Variants in MTURN observed in about 807,000 individuals in gnomAD.
MTURN encodes the protein maturin.
In MTURN, 7 loss-of-function variants were observed where a neutral mutation model predicts 14.9. The ratio of observed to expected loss-of-function variants is 0.47; its 90% CI spans 0.27 to 0.88. The LOEUF is 0.88. Ranked by LOEUF, MTURN falls within the 40% of genes least tolerant of loss-of-function variation. MTURN has a pLI of 0.14. For missense variants in MTURN, 151 were observed against 174.1 expected (o/e 0.87, Z 0.75); for synonymous variants, 69 against 72.5 (o/e 0.95, Z 0.25).
At chr7:30,141,005 C>G (rs1431118502) in intron 1 of MTURN, 1 of 152,326 alleles carries the variant, frequency 6.6e-6, no homozygotes, top group Admixed American at 6.5e-5. Context: ...TGGCTCTGCC[C>G]TTGTTCCCTG....
At position 30,158,570 on chromosome 7, in the gene MTURN, T is replaced by G. The variant is rs1407586488; in HGVS notation, c.*1022T>G. 6.6e-6 allele frequency: 1 copy of G among 152,190 alleles called. No homozygotes were observed. Among genetic ancestry groups the G allele is most frequent in the African/African-American group, 2.4e-5 (1 of 41,430 alleles). The allele number at this position is 152,190 out of a possible 1,614,324, so 9.4% of individuals were successfully genotyped here. A position where few individuals can be genotyped will look rare whatever the true frequency, so the allele number is the denominator to read the frequency against. On this transcript the variant is annotated 3_prime_UTR_variant, in exon 3 of 3. Transcript: ENST00000324453. The stretch of plus-strand genomic sequence containing the variant: ...TTTATTTAAAAATTTAATCACATGT[T>G]TCGAGGGACTTAATTGTGGTGTATT...
Position 30,135,276 on chromosome 7 carries a change from A to T in MTURN, c.140A>T (p.Asp47Val), listed in dbSNP as rs1796927516. Residue 47 changes from aspartate (D) to valine (V), a missense_variant, in exon 1 of 3, where the codon GAC (aspartate) becomes GTC (valine). Coordinates refer to ENST00000324453, the MANE Select transcript of MTURN (RefSeq NM_152793.3). ...PGVSFYVLCP[D>V]NGCGDNFHVW... ...GTCTCCTTCTATGTGCTGTGTCCGG[A>T]CAACGGCTGCGGCGACAATTTTGTG... 6.5e-7 allele frequency: 1 copy of T among 1,527,664 alleles called. No homozygotes were observed. The highest frequency in any genetic ancestry group is 8.8e-7 in the Non-Finnish European group (1 of 1,137,066). The allele number at this position is 1,527,664 out of a possible 1,614,324, so 94.6% of individuals were successfully genotyped here.
chr7:30,139,808 C>A (rs559328421), intron 1 of MTURN, among the ~76,000 whole-genome samples: 53 of 152,306 alleles, frequency 3.5e-4, no homozygotes, highest in African/African-American at 1.2e-3. Context: ...CCATCCATGC[C>A]GACCCTTTCC....
At chr7:30,135,582 C>A (rs1161180845) in intron 1 of MTURN, among the ~76,000 whole-genome samples, 1 of 152,104 alleles carries the variant, frequency 6.6e-6, no homozygotes, top group Non-Finnish European at 1.5e-5. Flanking sequence ...CTCCTCTCCC[C>A]GCTGCTGCGG....
At chr7:30,140,394 GGTGT>G (rs749509362) in intron 1 of MTURN, among the ~76,000 whole-genome samples, 2 of 36,258 alleles carry the variant, frequency 5.5e-5, no homozygotes, top group Non-Finnish European at 8.1e-5. Context: ...TTTGTAGAGG[GGTGT>G]GTGTGTGTGT....
At chr7:30,138,700 C>G (rs571655200) in intron 1 of MTURN, among the ~76,000 whole-genome samples, 232 of 152,118 alleles carry the variant, frequency 1.5e-3, no homozygotes, top group African/African-American at 5.3e-3. Context: ...AAAATATAAG[C>G]CAGATCATGT....
rs1187014102 is a variant in MTURN at position 30,160,262 on chromosome 7, A to G, written c.*2714A>G. The G allele has an allele frequency of 1.3e-5, 2 of 152,212 alleles. No individual in the cohort carries two copies. The highest frequency in any genetic ancestry group is 4.8e-5 in the African/African-American group (2 of 41,428). The allele number at this position is 152,212 out of a possible 1,614,324, so 9.4% of individuals were successfully genotyped here. A position where few individuals can be genotyped will look rare whatever the true frequency, so the allele number is the denominator to read the frequency against. ...GCTGACCCCTGCACTACCTTAGAAC[A>G]TGTTGATCTGTGAGTGCCCAAGCCC... On this transcript the variant is annotated 3_prime_UTR_variant, in exon 3 of 3. Coordinates refer to ENST00000324453, the MANE Select transcript of MTURN (RefSeq NM_152793.3).
chr7:30,146,068 T>C, intron 1 of MTURN, 109 bp from the exon 2 acceptor site: 1 of 1,598,184 alleles, frequency 6.3e-7, no homozygotes, highest in Non-Finnish European at 8.5e-7. Flanking sequence ...ATGGAGGCCT[T>C]CTTCAAATTG....
At chr7:30,138,953 G>A (rs2041686) in intron 1 of MTURN, among the ~76,000 whole-genome samples, 110,391 of 152,016 alleles carry the variant, frequency 0.73, 41,074 homozygotes, top group East Asian at 0.94. Flanking sequence ...CCCAAGAGAA[G>A]CCTTCCTGAC....
At chr7:30,148,357 A>G (rs1345256367) in intron 2 of MTURN, among the ~76,000 whole-genome samples, 1 of 152,110 alleles carries the variant, frequency 6.6e-6, no homozygotes, top group Admixed American at 6.5e-5. Flanking sequence ...AATTAGAGAG[A>G]GGTGAGCTGG....
At chr7:30,148,939 G>A (rs1188783333) in intron 2 of MTURN, among the ~76,000 whole-genome samples, 1 of 152,146 alleles carries the variant, frequency 6.6e-6, no homozygotes, top group Non-Finnish European at 1.5e-5. Flanking sequence ...AGCAACTGAG[G>A]TTCGCTTTGC....
chr7:30,146,050 A>G, intron 1 of MTURN, 127 bp from the exon 2 acceptor site: 3 of 1,591,264 alleles, frequency 1.9e-6, no homozygotes, highest in Non-Finnish European at 2.6e-6. Context: ...TATGAATTTT[A>G]CTGTAGAATG....
chr7:30,155,612 C>T (rs573799688), intron 2 of MTURN, among the ~76,000 whole-genome samples: 3 of 152,350 alleles, frequency 2.0e-5, no homozygotes, highest in East Asian at 3.9e-4. Flanking sequence ...TTCCCCTCTA[C>T]ATCCGCAGAG....
At chr7:30,135,969 AACAC>A (rs56329067) in intron 1 of MTURN, among the ~76,000 whole-genome samples, 5 of 151,774 alleles carry the variant, frequency 3.3e-5, no homozygotes, top group Admixed American at 2.6e-4. Context: ...CATACACCCC[AACAC>A]ACACACACAC....
chr7:30,140,202 G>C (rs1211201129), intron 1 of MTURN, among the ~76,000 whole-genome samples: 3 of 152,120 alleles, frequency 2.0e-5, no homozygotes, highest in African/African-American at 7.2e-5. Flanking sequence ...ATGATTGTGG[G>C]AGAGAGGGAG....
In MTURN at chr7:30,162,105, G is replaced by C. The variant is rs1274787494; in HGVS notation, c.*4557G>C. 6.6e-6 allele frequency: 1 copy of C among 152,166 alleles called. No individual in the cohort carries two copies. Among genetic ancestry groups the C allele is most frequent in the African/African-American group, 2.4e-5 (1 of 41,510 alleles). The allele number at this position is 152,166 out of a possible 1,614,324, so 9.4% of individuals were successfully genotyped here. On this transcript the variant is annotated 3_prime_UTR_variant, in exon 3 of 3. Transcript: ENST00000324453. ...GAAACCCCATTTAAAGCACTATAAG[G>C]CTGAATAGGCACAAGCGATTAAAAG...
intron 2 of MTURN, among the ~76,000 whole-genome samples, chr7:30,146,535 T>C (rs775286520): frequency 2.7e-5 from 4 of 150,706 alleles, no homozygotes; most frequent in Non-Finnish European, 4.4e-5. Context: ...ATCACTTGAG[T>C]TGAGAATCCC....
At chr7:30,136,408 G>A (rs1583500474) in intron 1 of MTURN, among the ~76,000 whole-genome samples, 4 of 152,332 alleles carry the variant, frequency 2.6e-5, no homozygotes, top group African/African-American at 9.6e-5. Context: ...GCGGCCGTGG[G>A]CGCGGGTGAC....
At position 30,135,201 on chromosome 7, in the gene MTURN, T is replaced by G. The variant is rs1314225405; in HGVS notation, c.65T>G (p.Ile22Ser). 4.0e-6 allele frequency: 6 copies of G among 1,510,030 alleles called. No homozygotes were observed. Among genetic ancestry groups the G allele is most frequent in the Non-Finnish European group, 5.3e-6 (6 of 1,127,690 alleles). 93.5% of individuals were successfully genotyped at this position (1,510,030 alleles called of 1,614,324 possible). ...TGCTCCAACACGCCCTTCGAGCTCA[T>G]CGCCACCGAGGAGACCGAACGCAGG... ...KWCSNTPFEL[I>S]ATEETERRMD... The change falls in exon 1 of 3, where the codon ATC (isoleucine) becomes AGC (serine). Residue 22 changes from isoleucine (I) to serine (S), a missense_variant. Coordinates refer to ENST00000324453, the MANE Select transcript of MTURN (RefSeq NM_152793.3).
Sources: gnomAD v4.1 joint callset for allele counts (sites outside exome capture counted in the v4.1 genomes callset) on GRCh38, gnomAD v4.1.1 for gene constraint, MANE v1.5 for transcripts, NCBI Gene and HGNC (gene_info 2026-07-23, HGNC 2026-07-21) for gene names.